Variants in ARMH3 observed in about 807,000 individuals in gnomAD.
The protein encoded by ARMH3 is armadillo-like helical domain-containing protein 3.
A neutral mutation model predicts 99.1 loss-of-function variants in ARMH3; 60 were observed. The ratio of observed to expected loss-of-function variants is 0.61; its 90% CI spans 0.49 to 0.75. The LOEUF is 0.75. Ranked by LOEUF, ARMH3 falls within the 30% of genes least tolerant of loss-of-function variation. The pLI, the probability that ARMH3 is intolerant of heterozygous loss-of-function variation, is 0.00. For synonymous variants in ARMH3, 285 were observed against 292.8 expected (o/e 0.97, Z 0.27); for missense variants, 679 against 843.1 (o/e 0.81, Z 2.41).
In ARMH3 at chr10:101,869,634, T is replaced by C. The variant is rs554605111; in HGVS notation, c.1861-19742A>G. On this transcript the variant is annotated intron_variant, in intron 24 of 25. Coordinates refer to ENST00000370033, the MANE Select transcript of ARMH3 (RefSeq NM_024541.3). ...ACTTTTCATATTAGAAAATAAGATC[T>C]AAAATCAATGACCTAAATTTCTACC... is the stretch of plus-strand genomic sequence containing the variant. 3.0e-4 allele frequency among the ~76,000 whole-genome samples: 46 copies of C among 152,246 alleles called. 1 individual carries two copies. The South Asian group carries it at 9.3e-3, about 31-fold the overall frequency.
intron 4 of ARMH3, 154 bp downstream of exon 4, chr10:102,032,872 G>C: frequency 1.3e-6 from 1 of 775,154 alleles, no homozygotes; most frequent in Non-Finnish European, 2.0e-6. Flanking sequence ...TAGAAAGATG[G>C]CTAAACAAAC....
chr10:101,883,838 A>T (rs2067474359), intron 24 of ARMH3, among the ~76,000 whole-genome samples: 2 of 152,010 alleles, frequency 1.3e-5, no homozygotes, highest in Admixed American at 1.3e-4. Flanking sequence ...CAAAAAATTT[A>T]AAAAATTAGC....
intron 14 of ARMH3, among the ~76,000 whole-genome samples, chr10:102,003,407 C>T (rs1336405995): frequency 6.6e-6 from 1 of 152,142 alleles, no homozygotes; most frequent in African/African-American, 2.4e-5. Flanking sequence ...AGCAATCCAC[C>T]CACCTCGGGC....
intron 15 of ARMH3, among the ~76,000 whole-genome samples, chr10:102,000,550 G>C (rs1270648065): frequency 1.3e-5 from 2 of 149,306 alleles, no homozygotes; most frequent in Admixed American, 1.3e-4. Flanking sequence ...CTTGAGCCCA[G>C]GAGTTCAAGA....
chr10:101,922,528 A>G (rs911767193), intron 23 of ARMH3, among the ~76,000 whole-genome samples: 1 of 152,216 alleles, frequency 6.6e-6, no homozygotes, highest in Non-Finnish European at 1.5e-5. Flanking sequence ...CTGGGATTAC[A>G]AGTGTAATAC....
At chr10:101,972,011 T>C (rs1459551625) in intron 20 of ARMH3, among the ~76,000 whole-genome samples, 2 of 152,182 alleles carry the variant, frequency 1.3e-5, no homozygotes, top group African/African-American at 4.8e-5. Flanking sequence ...TTAGCCTAAA[T>C]ATATTTTCAT....
Position 101,849,761 on chromosome 10 carries a change from C to T in ARMH3, c.1977+15G>A, listed in dbSNP as rs759520592. The T allele has an allele frequency of 5.0e-6, 8 of 1,607,678 alleles. No individual in the cohort carries two copies. The highest frequency in any genetic ancestry group is 2.2e-5 in the East Asian group (1 of 44,818). On this transcript the variant is annotated intron_variant, in intron 25 of 25. Coordinates refer to ENST00000370033, the MANE Select transcript of ARMH3 (RefSeq NM_024541.3). ...CGGGCCCCTAAGACACAGGCAGAGG[C>T]GGTGGGGCACTCACCAGCTCTTTGA... is the stretch of plus-strand genomic sequence containing the variant.
intron 10 of ARMH3, among the ~76,000 whole-genome samples, chr10:102,011,995 T>A (rs2066639976): frequency 6.6e-6 from 1 of 152,198 alleles, no homozygotes; most frequent in South Asian, 2.1e-4. Flanking sequence ...CTGGCTACTT[T>A]GGGAGAGACT....
At chr10:101,952,147 TA>T (rs1230107122) in intron 22 of ARMH3, among the ~76,000 whole-genome samples, 1 of 151,898 alleles carries the variant, frequency 6.6e-6, no homozygotes, top group Non-Finnish European at 1.5e-5. Flanking sequence ...TAAAACAAAA[TA>T]AAGAACAGAC....
chr10:102,032,748 TCTA>T (rs2136207899), intron 4 of ARMH3, among the ~76,000 whole-genome samples: 1 of 152,300 alleles, frequency 6.6e-6, no homozygotes, highest in South Asian at 2.1e-4. Context: ...CAGTTTCCTC[TCTA>T]CTTCTTCCCT....
intron 16 of ARMH3, among the ~76,000 whole-genome samples, 167 bp downstream of exon 16, chr10:101,995,130 G>A (rs371152768): frequency 1.3e-5 from 2 of 152,278 alleles, no homozygotes; most frequent in East Asian, 3.9e-4. Flanking sequence ...TGGCTTCATC[G>A]AAGACTACAC....
chr10:102,035,054 C>A (rs939255533), intron 2 of ARMH3, among the ~76,000 whole-genome samples: 1 of 151,932 alleles, frequency 6.6e-6, no homozygotes, highest in Non-Finnish European at 1.5e-5. Flanking sequence ...CTGGCGAACA[C>A]GGTGAAACCC....
intron 24 of ARMH3, among the ~76,000 whole-genome samples, chr10:101,875,245 T>G (rs1387807824): frequency 6.7e-6 from 1 of 148,838 alleles, no homozygotes; most frequent in African/African-American, 2.5e-5. Flanking sequence ...AAAAAAAAAA[T>G]AGCCAAAAGC....
In ARMH3 at chr10:101,847,617, G is replaced by A. The variant is rs1343866288; in HGVS notation, c.1981C>T (p.Arg661Ter). 2 of 1,613,972 alleles carry A rather than the reference G, an allele frequency of 1.2e-6. No homozygotes were observed. Among genetic ancestry groups the A allele is most frequent in the Non-Finnish European group, 1.7e-6 (2 of 1,179,964 alleles). ...CTCCGGACGTTGGTGCTAATGGATC[G>A]AACCTGGGAAAGGGTAGTTGGGGAA... ...KEAAFFKELVRSISTNVRRNL... is the reference protein window; with the variant it reads ...KEAAFFKELV Residue 661 changes from arginine (R) to a stop codon, truncating the protein, a stop_gained, in exon 26 of 26, where the codon CGA becomes TGA. Transcript: ENST00000370033. LOFTEE classifies it high-confidence loss of function.
At chr10:102,039,987 G>A (rs1254631041) in intron 2 of ARMH3, 26 bp downstream of exon 2, 7 of 1,583,052 alleles carry the variant, frequency 4.4e-6, no homozygotes, top group South Asian at 2.2e-5. Context: ...GACTCAAGCT[G>A]TACACAACAA....
intron 24 of ARMH3, among the ~76,000 whole-genome samples, chr10:101,872,324 G>A (rs1396295461): frequency 1.3e-5 from 2 of 151,702 alleles, no homozygotes; most frequent in African/African-American, 4.8e-5. Context: ...TACAATTTAA[G>A]AAAAGAAGAA....
chr10:102,023,625 A>G, intron 7 of ARMH3, 50 bp downstream of exon 7: 1 of 1,610,200 alleles, frequency 6.2e-7, no homozygotes. Flanking sequence ...ACACAGAGAA[A>G]ATTTGAAGAG....
chr10:101,942,513 T>C (rs889898579), intron 22 of ARMH3, among the ~76,000 whole-genome samples: 5 of 152,224 alleles, frequency 3.3e-5, no homozygotes, highest in African/African-American at 1.2e-4. Context: ...GTCCTTCCCA[T>C]ACAGTGGGCT....
chr10:101,986,099 C>A (rs983427583), intron 19 of ARMH3, among the ~76,000 whole-genome samples: 1 of 152,044 alleles, frequency 6.6e-6, no homozygotes, highest in African/African-American at 2.4e-5. Flanking sequence ...CAGAATGACT[C>A]TAAATTTAGT....
Sources: allele counts gnomAD v4.1 joint callset (sites outside exome capture counted in the v4.1 genomes callset), GRCh38; gene constraint gnomAD v4.1.1; transcripts MANE v1.5; gene names NCBI Gene and HGNC (gene_info 2026-07-23, HGNC 2026-07-21).